The following MED13L variants were observed in gnomAD, a reference collection of about 807,000 sequenced individuals.
The protein encoded by MED13L is mediator complex subunit 13L.
In MED13L, 7 loss-of-function variants were observed where a neutral mutation model predicts 220.9. The observed-to-expected ratio is 0.03, with a 90% CI of 0.02 to 0.06. The LOEUF (loss-of-function observed/expected upper bound fraction) is 0.06. Ranked by LOEUF, MED13L falls within the 10% of genes least tolerant of loss-of-function variation. MED13L has a pLI of 1.00. For synonymous variants in MED13L, 1,011 were observed against 1,015.2 expected (o/e 1.00, Z 0.08); for missense variants, 1,965 against 2,760.5 (o/e 0.71, Z 6.46).
At chr12:116,019,436 A>C (rs1206749753) in intron 6 of MED13L, 24 bp from the exon 7 acceptor site, 2 of 1,610,748 alleles carry the variant, frequency 1.2e-6, no homozygotes, top group East Asian at 2.2e-5. Flanking sequence ...GAACAAGGAA[A>C]GAATCAGGAC....
chr12:116,007,192 C>T, intron 11 of MED13L: 1 of 592,672 alleles, frequency 1.7e-6, no homozygotes, highest in South Asian at 1.9e-5. Context: ...AAATATGAGG[C>T]TTCATTTATG....
In MED13L at chr12:115,986,464, C is replaced by T; in HGVS notation, c.4140G>A (p.Leu1380=). The T allele has an allele frequency of 1.2e-6, 2 of 1,614,028 alleles. No homozygotes were observed. The highest frequency in any genetic ancestry group is 1.7e-6 in the Non-Finnish European group (2 of 1,179,966). ...AGCCTACCAGCAGAGTGGGGATGGG[C>T]AACGGCTCAGGAGATTCTTCCGAAC... ...TYGSEESPEP[L]PIPTLLVGYD... The change falls in exon 19 of 31, where the codon TTG becomes TTA. Residue 1380 remains leucine, a synonymous_variant. Transcript: ENST00000281928.
At chr12:116,099,182 G>C (rs1477648190) in intron 3 of MED13L, among the ~76,000 whole-genome samples, 1 of 152,132 alleles carries the variant, frequency 6.6e-6, no homozygotes, top group African/African-American at 2.4e-5. Context: ...CTGCACACAA[G>C]CCCAGGTATA....
rs1316034944 is a variant in MED13L, at chr12:116,006,357, C to T, written c.2293G>A (p.Val765Met). The T allele has an allele frequency of 1.2e-6, 2 of 1,614,024 alleles. No individual in the cohort carries two copies. Among genetic ancestry groups the T allele is most frequent in the Non-Finnish European group, 1.7e-6 (2 of 1,179,952 alleles). ...DVTTPGHSTP[V>M]PDGKNAMSIF... ...GACATGGCATTTTTCCCATCAGGCACCGGCGTGGAATGACCTGGTGTAGTG... is the reference window on the plus strand; with the variant it reads ...GACATGGCATTTTTCCCATCAGGCATCGGCGTGGAATGACCTGGTGTAGTG... The change falls in exon 12 of 31, where the codon GTG becomes ATG. Residue 765 changes from valine (V) to methionine (M), a missense_variant. Around this residue, in one of 10 missense-constraint regions of MED13L, gnomAD observed 818 missense variants for 1,041.2 expected, o/e 0.79. Transcript: ENST00000281928.
Position 115,966,201 on chromosome 12 carries a change from G to T in MED13L, c.6268C>A (p.Leu2090Ile). Residue 2090 changes from leucine (L) to isoleucine (I), a missense_variant, in exon 29 of 31, where the codon CTA becomes ATA. Leu to Ile is a conservative substitution (Grantham distance 5). Around this residue, in one of 10 missense-constraint regions of MED13L, gnomAD observed 145 missense variants for 328.3 expected, o/e 0.44. Transcript: ENST00000281928. ...RLLSREAPEE[L>I]KQQPLALGYF... Reference sequence around the variant, plus strand: ...CCAAGGGCCAGGGGCTGCTGCTTTAGCTCCTCTGGTGCTTCTCTAGAAAGA... The same window carrying T: ...CCAAGGGCCAGGGGCTGCTGCTTTATCTCCTCTGGTGCTTCTCTAGAAAGA... 6.2e-7 allele frequency: 1 copy of T among 1,614,116 alleles called. No individual in the cohort carries two copies. Among genetic ancestry groups the T allele is most frequent in the Non-Finnish European group, 8.5e-7 (1 of 1,180,010 alleles).
intron 2 of MED13L, among the ~76,000 whole-genome samples, chr12:116,134,759 C>T (rs1876385921): frequency 1.3e-5 from 2 of 152,052 alleles, no homozygotes; most frequent in Admixed American, 1.3e-4. Flanking sequence ...GATGATACGC[C>T]AGTTTTAAAA....
intron 4 of MED13L, among the ~76,000 whole-genome samples, chr12:116,081,416 A>T (rs940207150): frequency 1.3e-5 from 2 of 152,210 alleles, no homozygotes; most frequent in Non-Finnish European, 2.9e-5. Flanking sequence ...CCAAAATTTA[A>T]AGATTTCACT....
chr12:115,963,654 T>G, intron 29 of MED13L, 135 bp from the exon 30 acceptor site: 1 of 719,828 alleles, frequency 1.4e-6, no homozygotes, highest in Admixed American at 2.0e-5. Context: ...CTACAAATTT[T>G]AACCTGCTCA....
At position 115,996,346 on chromosome 12, in the gene MED13L, C is replaced by T. The variant is rs1014049831; in HGVS notation, c.2996+130G>A. 2.8e-5 allele frequency: 29 copies of T among 1,028,594 alleles called. No individual in the cohort carries two copies. In the African/African-American group the frequency reaches 4.4e-4, roughly 16 times the overall value. 63.7% of individuals were successfully genotyped at this position (1,028,594 alleles called of 1,614,324 possible). ...ACCTCAAGTGATCTGCCCGCCTCCA[C>T]CTCCCAAAGTGCTGGGATTACAGGC... On this transcript the variant is annotated intron_variant, in intron 16 of 30. Transcript: ENST00000281928.
At chr12:116,112,742 C>T (rs1874193476) in intron 2 of MED13L, among the ~76,000 whole-genome samples, 1 of 152,194 alleles carries the variant, frequency 6.6e-6, no homozygotes, top group Admixed American at 6.5e-5. Flanking sequence ...ACAGAACATT[C>T]CGAAATTTCC....
At chr12:116,168,228 AAATT>A in intron 2 of MED13L, among the ~76,000 whole-genome samples, 1 of 152,256 alleles carries the variant, frequency 6.6e-6, no homozygotes, top group East Asian at 1.9e-4. Flanking sequence ...ACAAAGAATT[AAATT>A]AATAATGAGA....
intron 2 of MED13L, among the ~76,000 whole-genome samples, chr12:116,146,940 A>T (rs1474786658): frequency 1.3e-5 from 2 of 152,192 alleles, no homozygotes; most frequent in African/African-American, 4.8e-5. Context: ...TGAAGAGTTT[A>T]AGTATACACA....
intron 4 of MED13L, among the ~76,000 whole-genome samples, chr12:116,051,118 T>G (rs1868476778): frequency 6.6e-6 from 1 of 152,114 alleles, no homozygotes; most frequent in African/African-American, 2.4e-5. Context: ...AATGGGTTGT[T>G]TATAGATTAT....
chr12:116,220,184 C>T (rs1449261696), intron 2 of MED13L, among the ~76,000 whole-genome samples: 2 of 152,184 alleles, frequency 1.3e-5, no homozygotes, highest in East Asian at 3.9e-4. Context: ...GCTGTTAATG[C>T]CATTATAAAC....
chr12:116,071,560 G>A (rs61939684), intron 4 of MED13L, among the ~76,000 whole-genome samples: 22,135 of 152,132 alleles, frequency 0.15, 1,860 homozygotes, highest in Middle Eastern at 0.21. Context: ...TCGAGTAGCT[G>A]GGACTATAGG....
At chr12:116,120,459 TCTCTCTCTCTCTCTCTCTCACA>T (rs1874958411) in intron 2 of MED13L, among the ~76,000 whole-genome samples, 2 of 137,212 alleles carry the variant, frequency 1.5e-5, no homozygotes, top group African/African-American at 5.5e-5. Flanking sequence ...TCTCTCTCTC[TCTCTCTCTCTCTCTCTCTCACA>T]CACACACACA....
chr12:116,189,289 C>G (rs1179782306), intron 2 of MED13L, among the ~76,000 whole-genome samples: 1 of 152,128 alleles, frequency 6.6e-6, no homozygotes, highest in East Asian at 1.9e-4. Context: ...TTTTTATATG[C>G]TTACTTGCCA....
chr12:116,059,502 C>G (rs1467883418), intron 4 of MED13L, among the ~76,000 whole-genome samples: 2 of 151,440 alleles, frequency 1.3e-5, no homozygotes, highest in Non-Finnish European at 2.9e-5. Flanking sequence ...ACTGCAACCT[C>G]CGCCTCCCGG....
intron 3 of MED13L, among the ~76,000 whole-genome samples, chr12:116,097,334 C>T (rs1565875804): frequency 6.6e-6 from 1 of 152,066 alleles, no homozygotes; most frequent in Non-Finnish European, 1.5e-5. Context: ...TTAATAGAGA[C>T]GGGGTCTCAC....
Sources: allele counts gnomAD v4.1 joint callset (sites outside exome capture counted in the v4.1 genomes callset), GRCh38; gene constraint gnomAD v4.1.1; regional missense constraint gnomAD v4.1.1; transcripts MANE v1.5; gene names NCBI Gene and HGNC (gene_info 2026-07-23, HGNC 2026-07-21).